The following ZNF276 variants were observed in gnomAD, a reference collection of about 807,000 sequenced individuals.
ZNF276 encodes the protein centromere protein Z.
Under a neutral mutation model 63.9 loss-of-function variants are expected in ZNF276, and 59 were observed. That is an observed-to-expected ratio of 0.92 (90% CI 0.75 to 1.15). ZNF276 has a LOEUF of 1.15. Ranked by LOEUF, ZNF276 falls within the 50% of genes most tolerant of loss-of-function variation. ZNF276 has a pLI of 0.00. For missense variants in ZNF276, 1,084 were observed against 843.8 expected (o/e 1.28, Z -3.53); for synonymous variants, 496 against 348.4 (o/e 1.42, Z -4.72).
chr16:89,720,449 G>T, upstream of ZNF276: 1 of 1,067,026 alleles, frequency 9.4e-7, no homozygotes. Flanking sequence ...GGACCTGCCC[G>T]TCACTCGGAT....
intron 6 of ZNF276, among the ~76,000 whole-genome samples, chr16:89,730,298 G>A (rs1307931891): frequency 6.6e-6 from 1 of 152,162 alleles, no homozygotes; most frequent in Non-Finnish European, 1.5e-5. Context: ...AGTCATGGCT[G>A]GGAGTGCCGC....
rs749929686 is a variant in ZNF276, at chr16:89,739,336, G to T, written c.*1090G>T. On this transcript the variant is annotated 3_prime_UTR_variant, in exon 11 of 11. Transcript: ENST00000443381. ...CAAATGGCTACAGACTGCTGGAAAG[G>T]TAGCAGGTGATGCCAAGGGATACTG... 1 of 1,611,772 alleles carries T rather than the reference G, an allele frequency of 6.2e-7. No homozygotes were observed. The highest frequency in any genetic ancestry group is 1.1e-5 in the South Asian group (1 of 90,920).
At chr16:89,735,231 G>T (rs774425455) in intron 9 of ZNF276, among the ~76,000 whole-genome samples, 3 of 151,678 alleles carry the variant, frequency 2.0e-5, no homozygotes, top group Non-Finnish European at 4.4e-5. Flanking sequence ...TGCAGGTTCT[G>T]TAGGGTCTTT....
intron 4 of ZNF276, among the ~76,000 whole-genome samples, chr16:89,725,088 A>C (rs937723868): frequency 1.5e-4 from 23 of 150,026 alleles, no homozygotes; most frequent in African/African-American, 5.4e-4. Context: ...TAATTTTTGT[A>C]TTTTTAGTAG....
chr16:89,721,235 C>A, upstream of ZNF276: 1 of 221,406 alleles, frequency 4.5e-6, no homozygotes, highest in Non-Finnish European at 8.8e-6. Flanking sequence ...CGCCGCGTGG[C>A]CTCCGCCGGC....
In ZNF276 at chr16:89,738,886, G is replaced by A. The variant is rs751059431; in HGVS notation, c.*640G>A. ...AGGTGGGCATCTTGACGTTACCTCT[G>A]CCACGTGTGAGAAGCTCTTTTTCGG... On this transcript the variant is annotated 3_prime_UTR_variant, in exon 11 of 11. Transcript: ENST00000443381. 6.2e-7 allele frequency: 1 copy of A among 1,614,250 alleles called. No homozygotes were observed. Among genetic ancestry groups the A allele is most frequent in the Non-Finnish European group, 8.5e-7 (1 of 1,180,052 alleles).
chr16:89,721,741 C>G lies in ZNF276; in HGVS notation c.101C>G (p.Pro34Arg), dbSNP rs1013695987. ...GGCGTCAGCCGGACTCGGGGCCGCC[C>G]TTCCCTTAGCGGTGGGCCGAGGGTG... is the stretch of plus-strand genomic sequence containing the variant. Reference protein sequence around the residue: ...GGGVSRTRGRPSLSGGPRVDG... With the variant: ...GGGVSRTRGRRSLSGGPRVDG... Residue 34 changes from proline (P) to arginine (R), a missense_variant, in exon 1 of 11, where the codon CCT (proline) becomes CGT (arginine). Coordinates refer to ENST00000443381, the MANE Select transcript of ZNF276 (RefSeq NM_001113525.2). 4.5e-6 allele frequency: 6 copies of G among 1,332,922 alleles called. No homozygotes were observed. The highest frequency in any genetic ancestry group is 4.8e-6 in the Non-Finnish European group (5 of 1,044,226). The allele number at this position is 1,332,922 out of a possible 1,614,324, so 82.6% of individuals were successfully genotyped here.
At chr16:89,732,740 C>A in intron 6 of ZNF276, 1 of 191,236 alleles carries the variant, frequency 5.2e-6, no homozygotes, top group Non-Finnish European at 1.1e-5. Flanking sequence ...GCCCCTGACC[C>A]TGCTGTACCA....
chr16:89,724,511 G>A (rs1382458283), intron 4 of ZNF276, among the ~76,000 whole-genome samples: 1 of 152,194 alleles, frequency 6.6e-6, no homozygotes, highest in Non-Finnish European at 1.5e-5. Context: ...GCCAGGTATG[G>A]TGGTGGGCAT....
At chr16:89,734,528 T>G (rs1238563883) in intron 9 of ZNF276, among the ~76,000 whole-genome samples, 2 of 152,170 alleles carry the variant, frequency 1.3e-5, no homozygotes, top group Non-Finnish European at 2.9e-5. Flanking sequence ...GGTTTCACCA[T>G]GTTGGCCAGG....
At chr16:89,723,842 G>A in intron 4 of ZNF276, 133 bp downstream of exon 4, 1 of 1,026,704 alleles carries the variant, frequency 9.7e-7, no homozygotes, top group Non-Finnish European at 1.4e-6. Context: ...GCAGAGCTTG[G>A]GGCTTCTGCC....
chr16:89,722,913 G>T (rs2061345857), intron 2 of ZNF276, 79 bp downstream of exon 2: 1 of 1,559,096 alleles, frequency 6.4e-7, no homozygotes, highest in Non-Finnish European at 8.6e-7. Flanking sequence ...GACAGGGCGT[G>T]CCTCCGCGGG....
intron 4 of ZNF276, 66 bp downstream of exon 4, chr16:89,723,775 C>T: frequency 2.7e-6 from 4 of 1,478,122 alleles, no homozygotes; most frequent in Non-Finnish European, 2.7e-6. Flanking sequence ...GGGTTTTCAG[C>T]AGAAAGTGAA....
In ZNF276 at chr16:89,738,018, C is replaced by G. The variant is rs1598045015; in HGVS notation, c.1617C>G (p.Leu539=). Residue 539 remains leucine, a synonymous_variant, in exon 11 of 11, where the codon CTC becomes CTG. Coordinates refer to ENST00000443381, the MANE Select transcript of ZNF276 (RefSeq NM_001113525.2). ...TCCAGTGCAGGCAGCGGGCATCCCT[C>G]AAGTACCACATGACCAAACACAAGG... ...CGFQCRQRAS[L]KYHMTKHKAE... 3.7e-6 allele frequency: 6 copies of G among 1,614,164 alleles called. No homozygotes were observed. The highest frequency in any genetic ancestry group is 1.1e-5 in the South Asian group (1 of 91,088).
chr16:89,724,270 G>C (rs987048060), intron 4 of ZNF276, among the ~76,000 whole-genome samples: 13 of 152,302 alleles, frequency 8.5e-5, no homozygotes, highest in African/African-American at 3.1e-4. Context: ...TTTTAGGAGG[G>C]CCAGGGCCAG....
rs760640860 is a variant in ZNF276, at chr16:89,733,530, C to A, written c.1329C>A (p.Ala443=). ...AGTGTCCTTACCAGGGCTGCACGGC[C>A]GTGTACCGAGGCGCTGACGGCATGA... ...IYKCPYQGCT[A]VYRGADGMKK... The change falls in exon 8 of 11, where the codon GCC becomes GCA. Residue 443 remains alanine, a synonymous_variant. Transcript: ENST00000443381. The A allele has an allele frequency of 6.2e-7, 1 of 1,614,116 alleles. No homozygotes were observed. Among genetic ancestry groups the A allele is most frequent in the Admixed American group, 1.7e-5 (1 of 60,024 alleles).
intron 6 of ZNF276, 74 bp from the exon 7 acceptor site, chr16:89,733,228 C>G: frequency 7.4e-7 from 1 of 1,352,212 alleles, no homozygotes; most frequent in Non-Finnish European, 1.0e-6. Context: ...GACCATTTCT[C>G]AGGTTGGAGA....
Position 89,739,790 on chromosome 16 carries a change from G to T in ZNF276, c.*1544G>T. On this transcript the variant is annotated 3_prime_UTR_variant, in exon 11 of 11. Coordinates refer to ENST00000443381, the MANE Select transcript of ZNF276 (RefSeq NM_001113525.2). ...CAGAGAGAGGCAGTCCCCATGATAG[G>T]CCCATTGGTCCTGGGGTTGACCAGT... is the stretch of plus-strand genomic sequence containing the variant. 2.7e-6 allele frequency: 4 copies of T among 1,467,006 alleles called. No homozygotes were observed. Among genetic ancestry groups the T allele is most frequent in the Non-Finnish European group, 3.6e-6 (4 of 1,113,204 alleles). 90.9% of individuals were successfully genotyped at this position (1,467,006 alleles called of 1,614,324 possible). A position where few individuals can be genotyped will look rare whatever the true frequency, so the allele number is the denominator to read the frequency against.
chr16:89,727,120 A>G (rs547078690), intron 4 of ZNF276, among the ~76,000 whole-genome samples, 159 bp from the exon 5 acceptor site: 3 of 152,322 alleles, frequency 2.0e-5, no homozygotes, highest in Non-Finnish European at 4.4e-5. Flanking sequence ...CAGAGGCTGC[A>G]TAGCACCCTT....
Sources: allele counts gnomAD v4.1 joint callset (sites outside exome capture counted in the v4.1 genomes callset), GRCh38; gene constraint gnomAD v4.1.1; transcripts MANE v1.5; gene names NCBI Gene and HGNC (gene_info 2026-07-23, HGNC 2026-07-21).